The following FHIP1A variants were observed in gnomAD, a reference collection of about 807,000 sequenced individuals.
FHIP1A encodes the protein FHF complex subunit HOOK-interacting protein 1A.
In FHIP1A, 61 loss-of-function variants were observed where a neutral mutation model predicts 88.6. The observed-to-expected ratio is 0.69, with a 90% confidence interval of 0.56 to 0.85. The LOEUF (loss-of-function observed/expected upper bound fraction) is 0.85, where lower values mean the gene tolerates loss of function less well. Among genes scored for constraint, FHIP1A ranks in the 40% least tolerant of loss-of-function variants. FHIP1A has a pLI of 0.00. For synonymous variants in FHIP1A, 478 were observed against 496.0 expected, an observed-to-expected ratio of 0.96 and a Z score of 0.48; for missense variants, 1,154 against 1,273.5, an observed-to-expected ratio of 0.91 and a Z score of 1.43.
At chr4:151,546,593 C>CA (rs938714445) in intron 3 of FHIP1A, among the ~76,000 whole-genome samples, 1 of 152,102 alleles carries the variant, frequency 6.6e-6, no homozygotes, top group African/African-American at 2.4e-5. Context: ...TCTTGAGGAG[C>CA]AAAAAGACAA....
At chr4:151,476,219 G>C (rs1729697706) in intron 2 of FHIP1A, among the ~76,000 whole-genome samples, 1 of 134,830 alleles carries the variant, frequency 7.4e-6, no homozygotes, top group African/African-American at 2.8e-5. Flanking sequence ...ATGGCTCACT[G>C]TGGCCTCAAA....
At chr4:151,615,396 C>T (rs920470497) in intron 7 of FHIP1A, among the ~76,000 whole-genome samples, 1 of 152,170 alleles carries the variant, frequency 6.6e-6, no homozygotes, top group South Asian at 2.1e-4. Flanking sequence ...TACCTACCTA[C>T]CATTTTACTC....
At chr4:151,634,595 A>T (rs1736278660) in intron 8 of FHIP1A, among the ~76,000 whole-genome samples, 1 of 151,828 alleles carries the variant, frequency 6.6e-6, no homozygotes, top group Admixed American at 6.6e-5. Context: ...AACAGAAATG[A>T]ACCGTTGTAT....
chr4:151,539,038 TG>T (rs1023029874), intron 3 of FHIP1A, among the ~76,000 whole-genome samples: 1 of 152,214 alleles, frequency 6.6e-6, no homozygotes, highest in African/African-American at 2.4e-5. Flanking sequence ...TAGGGATTAT[TG>T]TCCAGTGTAA....
intron 10 of FHIP1A, among the ~76,000 whole-genome samples, chr4:151,648,078 A>C (rs1736863740): frequency 6.6e-6 from 1 of 152,208 alleles, no homozygotes; most frequent in Non-Finnish European, 1.5e-5. Context: ...ATGGGTGGTG[A>C]CATAGCTAGC....
At chr4:151,503,010 G>A (rs1452923157) in intron 3 of FHIP1A, among the ~76,000 whole-genome samples, 2 of 152,008 alleles carry the variant, frequency 1.3e-5, no homozygotes, top group Admixed American at 6.6e-5. Context: ...CCACATTTGC[G>A]CCTTATTTGT....
intron 2 of FHIP1A, among the ~76,000 whole-genome samples, chr4:151,475,385 T>C (rs994692504): frequency 2.6e-5 from 4 of 152,246 alleles, no homozygotes; most frequent in South Asian, 4.1e-4. Context: ...TGAAACAGCA[T>C]TGGGGTAGAG....
intron 1 of FHIP1A, among the ~76,000 whole-genome samples, chr4:151,431,603 G>C (rs1733595875): frequency 6.6e-6 from 1 of 152,142 alleles, no homozygotes; most frequent in Non-Finnish European, 1.5e-5. Flanking sequence ...GGAAGTCTTA[G>C]GTATGAGGGC....
At position 151,577,773 on chromosome 4, in the gene FHIP1A, G is replaced by A. The variant is rs1183252880; in HGVS notation, c.429G>A (p.Leu143=). ...ACCACAAACCCATTCTGAAGCCTCTGATGATGTTGCTGAGCTCTTGTTCAG... is the reference window on the plus strand; with the variant it reads ...ACCACAAACCCATTCTGAAGCCTCTAATGATGTTGCTGAGCTCTTGTTCAG... ...LLHHKPILKP[L]MMLLSSCSGT... The change falls in exon 5 of 14, where the codon CTG becomes CTA. Residue 143 remains leucine, a synonymous_variant. Coordinates refer to ENST00000435205, the MANE Select transcript of FHIP1A (RefSeq NM_001109977.3). 1.3e-6 allele frequency: 2 copies of A among 1,552,040 alleles called. No individual in the cohort carries two copies. The highest frequency in any genetic ancestry group is 1.2e-5 in the South Asian group (1 of 84,054).
At chr4:151,510,924 TA>T (rs1337752686) in intron 3 of FHIP1A, among the ~76,000 whole-genome samples, 1 of 152,224 alleles carries the variant, frequency 6.6e-6, no homozygotes, top group Non-Finnish European at 1.5e-5. Context: ...GATACCATAC[TA>T]ATCTCTAGAG....
chr4:151,416,223 TC>T (rs1561485808), intron 1 of FHIP1A, among the ~76,000 whole-genome samples: 1 of 152,194 alleles, frequency 6.6e-6, no homozygotes, highest in Non-Finnish European at 1.5e-5. Context: ...TGGGAACATT[TC>T]AGGAATTCCT....
chr4:151,628,289 A>C (rs1736028113), intron 7 of FHIP1A, among the ~76,000 whole-genome samples: 1 of 152,192 alleles, frequency 6.6e-6, no homozygotes, highest in African/African-American at 2.4e-5. Context: ...GATAAAGAAA[A>C]CAGACACACT....
At chr4:151,590,015 C>T (rs529720067) in intron 7 of FHIP1A, among the ~76,000 whole-genome samples, 40 of 152,152 alleles carry the variant, frequency 2.6e-4, no homozygotes, top group Non-Finnish European at 5.0e-4. Flanking sequence ...GAAATTAGAT[C>T]TCTGTTGGAA....
At chr4:151,452,568 T>C (rs1445434710) in intron 1 of FHIP1A, among the ~76,000 whole-genome samples, 1 of 151,908 alleles carries the variant, frequency 6.6e-6, no homozygotes, top group Non-Finnish European at 1.5e-5. Context: ...TCTACTAAAA[T>C]AAATTAATAA....
chr4:151,656,438 C>A lies in FHIP1A; in HGVS notation c.2730+28C>A. The A allele has an allele frequency of 1.3e-6, 2 of 1,542,330 alleles. No individual in the cohort carries two copies. The highest frequency in any genetic ancestry group is 1.8e-6 in the Non-Finnish European group (2 of 1,140,534). On this transcript the variant is annotated intron_variant, in intron 12 of 13. Transcript: ENST00000435205. The surrounding 1 kb of genome is among the most constrained non-coding windows in gnomAD (Gnocchi z 4.2). ...ATGTTAGCTGAACCCACATCCACACCTGTTGATTTTGTGGGTGCTAATTTG... is the reference window on the plus strand; with the variant it reads ...ATGTTAGCTGAACCCACATCCACACATGTTGATTTTGTGGGTGCTAATTTG...
At position 151,629,691 on chromosome 4, in the gene FHIP1A, G is replaced by T; in HGVS notation, c.979-11G>T. The stretch of plus-strand genomic sequence containing the variant: ...GATGCTCACCTGTGCTCACTCCGTT[G>T]TTTGTCCTAGGTGACTGTGGAAGAG... On this transcript the variant is annotated splice_polypyrimidine_tract_variant and intron_variant, in intron 7 of 13. Transcript: ENST00000435205. 1 of 1,550,198 alleles carries T rather than the reference G, an allele frequency of 6.5e-7. No homozygotes were observed. The highest frequency in any genetic ancestry group is 8.7e-7 in the Non-Finnish European group (1 of 1,146,144).
intron 3 of FHIP1A, among the ~76,000 whole-genome samples, chr4:151,557,089 A>G (rs1732978732): frequency 6.6e-6 from 1 of 152,210 alleles, no homozygotes; most frequent in Non-Finnish European, 1.5e-5. Flanking sequence ...TGGGTCAGAT[A>G]ATCAATTTTT....
chr4:151,521,675 TTGTATGTA>T lies in FHIP1A; in HGVS notation c.-123+39069_-123+39076del, dbSNP rs35842414. ...AGGCTTCCTTTCCGGGTATGTCAGTTTGTATGTATGTATGTATGTATGTATGTATGTAT... is the reference window on the plus strand; with the variant it reads ...AGGCTTCCTTTCCGGGTATGTCAGTTTGTATGTATGTATGTATGTATGTAT... On this transcript the variant is annotated intron_variant, in intron 3 of 13. Transcript: ENST00000435205. 8.0e-3 allele frequency among the ~76,000 whole-genome samples: 1,207 copies of T among 150,432 alleles called. 10 individuals carry two copies. The highest frequency in any genetic ancestry group is 0.024 in the African/African-American group (972 of 40,824).
At chr4:151,432,368 T>A (rs773886408) in intron 1 of FHIP1A, among the ~76,000 whole-genome samples, 42 of 152,208 alleles carry the variant, frequency 2.8e-4, no homozygotes, top group Non-Finnish European at 4.7e-4. Flanking sequence ...AATTCATGAA[T>A]TCATCCTGAA....
Sources: gnomAD v4.1 joint callset for allele counts (sites outside exome capture counted in the v4.1 genomes callset) on GRCh38, gnomAD v4.1.1 for gene constraint, Gnocchi (gnomAD v3.1) non-coding constraint, MANE v1.5 for transcripts, NCBI Gene and HGNC (gene_info 2026-07-23, HGNC 2026-07-21) for gene names.